ATF6: variants seen among roughly 807,000 people sequenced by gnomAD.
ATF6 encodes the protein cyclic AMP-dependent transcription factor ATF-6 alpha.
In ATF6, 53 loss-of-function variants were observed where a neutral mutation model predicts 83.6. That is an observed-to-expected ratio of 0.63 (90% CI 0.51 to 0.80). The LOEUF is 0.80. Among genes scored for constraint, ATF6 ranks in the 30% least tolerant of loss-of-function variants. The probability of loss-of-function intolerance (pLI) is 0.00; values close to 1 mark genes in which losing one functional copy is unlikely to be tolerated. For synonymous variants in ATF6, 288 were observed against 285.8 expected, an observed-to-expected ratio of 1.01 and a Z score of -0.08; for missense variants, 744 against 797.9, an observed-to-expected ratio of 0.93 and a Z score of 0.81.
At chr1:161,920,432 C>T (rs1353606781) in intron 15 of ATF6, among the ~76,000 whole-genome samples, 3 of 151,276 alleles carry the variant, frequency 2.0e-5, no homozygotes, top group Non-Finnish European at 3.0e-5. Context: ...GTAGCTGGGA[C>T]TACAGGTGCC....
intron 4 of ATF6, among the ~76,000 whole-genome samples, chr1:161,787,318 T>C (rs1279798063): frequency 6.6e-6 from 1 of 152,238 alleles, no homozygotes; most frequent in Non-Finnish European, 1.5e-5. Flanking sequence ...ATTCATCGTT[T>C]CTTATTTTAT....
At chr1:161,778,016 T>A (rs1054465789) in intron 1 of ATF6, among the ~76,000 whole-genome samples, 33 of 152,202 alleles carry the variant, frequency 2.2e-4, no homozygotes, top group African/African-American at 7.7e-4. Flanking sequence ...CATAAAACCT[T>A]TTTTGATCCC....
rs1689055919 is a variant in ATF6 at position 161,959,733 on chromosome 1, C to G, written c.*1079C>G. 6.6e-6 allele frequency: 1 copy of G among 150,718 alleles called. No homozygotes were observed. Among genetic ancestry groups the G allele is most frequent in the African/African-American group, 2.4e-5 (1 of 41,024 alleles). 9.3% of individuals were successfully genotyped at this position (150,718 alleles called of 1,614,324 possible). A position where few individuals can be genotyped will look rare whatever the true frequency, so the allele number is the denominator to read the frequency against. ...ATGTGACTGCAGTATGAGATTAAAG[C>G]CACAACTATTGTTTATTTTGGGGAC... On this transcript the variant is annotated 3_prime_UTR_variant, in exon 16 of 16. Coordinates refer to ENST00000367942, the MANE Select transcript of ATF6 (RefSeq NM_007348.4).
intron 15 of ATF6, among the ~76,000 whole-genome samples, chr1:161,942,715 T>C (rs1688672058): frequency 6.6e-6 from 1 of 152,260 alleles, no homozygotes; most frequent in Non-Finnish European, 1.5e-5. Flanking sequence ...AATGTGATCT[T>C]ATTAAAATTT....
chr1:161,953,650 C>G (rs1037562761), intron 15 of ATF6, among the ~76,000 whole-genome samples: 1 of 152,096 alleles, frequency 6.6e-6, no homozygotes, highest in Non-Finnish European at 1.5e-5. Flanking sequence ...AAAAGGAATA[C>G]GTGGTGGTGG....
chr1:161,927,866 A>T (rs541515717), intron 15 of ATF6, among the ~76,000 whole-genome samples: 1 of 152,266 alleles, frequency 6.6e-6, no homozygotes, highest in Non-Finnish European at 1.5e-5. Flanking sequence ...TGTTGGAATA[A>T]TAAGAGTAGA....
chr1:161,898,821 T>A (rs997399472), intron 14 of ATF6, among the ~76,000 whole-genome samples: 6 of 152,354 alleles, frequency 3.9e-5, no homozygotes, highest in African/African-American at 9.6e-5. Flanking sequence ...GTGCTGGGAT[T>A]ACAGGTGTGA....
chr1:161,834,212 A>G (rs1333661621), intron 9 of ATF6, among the ~76,000 whole-genome samples: 1 of 152,164 alleles, frequency 6.6e-6, no homozygotes, highest in East Asian at 1.9e-4. Flanking sequence ...ATGCTGAGAG[A>G]TTTTGTCACC....
chr1:161,846,633 CAA>C lies in ATF6; in HGVS notation c.1319+54_1319+55del. 2.6e-6 allele frequency: 4 copies of C among 1,518,814 alleles called. No individual in the cohort carries two copies. The South Asian group carries it at 3.9e-5, about 15-fold the overall frequency. 94.1% of individuals were successfully genotyped at this position (1,518,814 alleles called of 1,614,324 possible). ...CCTAAGTGATTTAATGAAGCTGAAA[CAA>C]GAGAATTATCTGTAGTATAACATTG... is the stretch of plus-strand genomic sequence containing the variant. On this transcript the variant is annotated intron_variant, in intron 10 of 15. Transcript: ENST00000367942.
chr1:161,940,258 A>T (rs1408625400), intron 15 of ATF6, among the ~76,000 whole-genome samples: 1 of 152,152 alleles, frequency 6.6e-6, no homozygotes, highest in South Asian at 2.1e-4. Flanking sequence ...TATCTTCCAC[A>T]TTACCACCAA....
intron 15 of ATF6, among the ~76,000 whole-genome samples, chr1:161,948,201 C>A (rs1189652708): frequency 6.6e-6 from 1 of 151,994 alleles, no homozygotes; most frequent in Non-Finnish European, 1.5e-5. Context: ...TGGTAGTGAC[C>A]ACTACTAGTT....
At chr1:161,880,579 A>T (rs1449495496) in intron 14 of ATF6, among the ~76,000 whole-genome samples, 1 of 152,150 alleles carries the variant, frequency 6.6e-6, no homozygotes, top group Non-Finnish European at 1.5e-5. Context: ...TTTTGAGATT[A>T]ATCCATGGTG....
intron 15 of ATF6, among the ~76,000 whole-genome samples, chr1:161,946,780 C>T (rs550888483): frequency 1.3e-5 from 2 of 152,256 alleles, no homozygotes; most frequent in African/African-American, 4.8e-5. Context: ...CAAAAAATTG[C>T]TGATTTTGTG....
At chr1:161,864,506 CTAGT>C (rs1459450126) in intron 14 of ATF6, among the ~76,000 whole-genome samples, 4 of 152,282 alleles carry the variant, frequency 2.6e-5, no homozygotes, top group African/African-American at 9.6e-5. Context: ...TCTCAGTTAA[CTAGT>C]TAATTCTTTT....
At chr1:161,816,108 A>G (rs940412200) in intron 7 of ATF6, among the ~76,000 whole-genome samples, 3 of 152,234 alleles carry the variant, frequency 2.0e-5, no homozygotes, top group Non-Finnish European at 4.4e-5. Context: ...ACTACATTTT[A>G]TAGTGCAGTG....
intron 1 of ATF6, among the ~76,000 whole-genome samples, chr1:161,769,736 G>A (rs752836251): frequency 1.1e-4 from 16 of 151,906 alleles, no homozygotes; most frequent in Non-Finnish European, 1.5e-4. Flanking sequence ...ATCATCAGGC[G>A]TTAGATTCTC....
chr1:161,882,970 G>A (rs1351649954), intron 14 of ATF6, among the ~76,000 whole-genome samples: 1 of 151,856 alleles, frequency 6.6e-6, no homozygotes, highest in African/African-American at 2.4e-5. Context: ...CCCATAAAAG[G>A]ATATGACAAG....
intron 1 of ATF6, among the ~76,000 whole-genome samples, 184 bp from the exon 2 acceptor site, chr1:161,778,060 A>T (rs1450214260): frequency 6.6e-6 from 1 of 152,246 alleles, no homozygotes; most frequent in Non-Finnish European, 1.5e-5. Flanking sequence ...GATAAAAATT[A>T]TGCAGAAAAC....
chr1:161,786,906 T>C (rs1384544410), intron 4 of ATF6, among the ~76,000 whole-genome samples: 10 of 152,222 alleles, frequency 6.6e-5, no homozygotes, highest in Admixed American at 6.5e-4. Flanking sequence ...ATCTTGTCTT[T>C]TTAATCTTGT....
Sources: allele counts gnomAD v4.1 joint callset (sites outside exome capture counted in the v4.1 genomes callset), GRCh38; gene constraint gnomAD v4.1.1; transcripts MANE v1.5; gene names NCBI Gene and HGNC (gene_info 2026-07-23, HGNC 2026-07-21).